MCU: variants seen among roughly 807,000 people sequenced by gnomAD.
The protein encoded by MCU is calcium uniporter protein, mitochondrial.
A neutral mutation model predicts 45.2 loss-of-function variants in MCU; 12 were observed. The observed-to-expected ratio is 0.27, with a 90% CI of 0.17 to 0.43. The LOEUF is 0.43. Ranked by LOEUF, MCU falls within the 20% of genes least tolerant of loss-of-function variation. MCU has a pLI of 1.00. For synonymous variants in MCU, 160 were observed against 165.1 expected, an observed-to-expected ratio of 0.97 and a Z score of 0.24; for missense variants, 324 against 436.7, an observed-to-expected ratio of 0.74 and a Z score of 2.30.
chr10:72,706,606 C>T (rs1417652067), intron 1 of MCU, among the ~76,000 whole-genome samples: 3 of 150,972 alleles, frequency 2.0e-5, no homozygotes, highest in Non-Finnish European at 2.9e-5. Context: ...GGCGTGATCT[C>T]GGCTTACTGC....
chr10:72,836,978 G>GA (rs2132838265), intron 2 of MCU, among the ~76,000 whole-genome samples: 1 of 152,178 alleles, frequency 6.6e-6, no homozygotes, highest in Admixed American at 6.5e-5. Flanking sequence ...ATGAGGGCTT[G>GA]ACCCTCAGTT....
At chr10:72,820,677 A>G (rs1054875437) in intron 1 of MCU, among the ~76,000 whole-genome samples, 1 of 151,918 alleles carries the variant, frequency 6.6e-6, no homozygotes, top group Non-Finnish European at 1.5e-5. Context: ...TGCCCAGCTA[A>G]TTTTTTGTAT....
At position 72,787,726 on chromosome 10, in the gene MCU, G is replaced by T. The variant is rs913052053; in HGVS notation, c.151-46633G>T. ...TTGGTTATTTTCTTTTTTGTTTTTT[G>T]TTTTTTTTTTGAGACAGACTCTCGC... On this transcript the variant is annotated intron_variant, in intron 1 of 7. Transcript: ENST00000373053. Among the ~76,000 whole-genome samples the T allele has an allele frequency of 5.5e-5, 8 of 145,860 alleles. No homozygotes were observed. In the East Asian group the frequency reaches 6.0e-4, roughly 11 times the overall value.
chr10:72,695,174 A>G (rs1023024099), intron 1 of MCU, among the ~76,000 whole-genome samples: 1 of 152,218 alleles, frequency 6.6e-6, no homozygotes, highest in Admixed American at 6.5e-5. Context: ...GTCTCTGATT[A>G]TGACAGCCCC....
chr10:72,855,266 G>T (rs1021197196), intron 2 of MCU, among the ~76,000 whole-genome samples: 7 of 151,706 alleles, frequency 4.6e-5, no homozygotes, highest in African/African-American at 1.5e-4. Context: ...ATAAAATAAG[G>T]TATATTTAAT....
chr10:72,715,137 T>C (rs1842942387), intron 1 of MCU: 7 of 983,454 alleles, frequency 7.1e-6, no homozygotes, highest in African/African-American at 1.7e-5. Context: ...CCTACAGTGA[T>C]TGGCAAGATA....
At chr10:72,867,533 C>T (rs1845475534) in intron 4 of MCU, among the ~76,000 whole-genome samples, 2 of 151,864 alleles carry the variant, frequency 1.3e-5, no homozygotes, top group Admixed American at 1.3e-4. Flanking sequence ...AGTTGGTATA[C>T]TAGGGAGAAG....
chr10:72,820,803 C>T (rs896369454), intron 1 of MCU, among the ~76,000 whole-genome samples: 7 of 152,184 alleles, frequency 4.6e-5, no homozygotes, highest in African/African-American at 1.4e-4. Flanking sequence ...TGAGCCACCA[C>T]GCCCGGCCTG....
At chr10:72,834,540 G>A (rs1469666228) in intron 2 of MCU, 112 bp downstream of exon 2, 3 of 813,612 alleles carry the variant, frequency 3.7e-6, no homozygotes, top group Non-Finnish European at 5.8e-6. Context: ...GTTAAGGTGG[G>A]CTTAGGGGTC....
chr10:72,803,771 T>C (rs549048737), intron 1 of MCU, among the ~76,000 whole-genome samples: 5 of 151,846 alleles, frequency 3.3e-5, no homozygotes, highest in African/African-American at 1.2e-4. Flanking sequence ...TGGAAATTAT[T>C]TATTGTTTTT....
chr10:72,783,327 T>C (rs1016611008), intron 1 of MCU, among the ~76,000 whole-genome samples: 6 of 152,246 alleles, frequency 3.9e-5, no homozygotes, highest in Non-Finnish European at 5.9e-5. Flanking sequence ...TCCAAAACAG[T>C]GTGATGCTAT....
At chr10:72,816,775 A>G (rs973154768) in intron 1 of MCU, among the ~76,000 whole-genome samples, 2 of 152,104 alleles carry the variant, frequency 1.3e-5, no homozygotes, top group African/African-American at 2.4e-5. Context: ...ACAAACAAAA[A>G]CTAGTACATA....
At chr10:72,828,617 G>A (rs764923374) in intron 1 of MCU, among the ~76,000 whole-genome samples, 7 of 152,084 alleles carry the variant, frequency 4.6e-5, no homozygotes, top group Non-Finnish European at 8.8e-5. Context: ...ATACTGTTGA[G>A]TTTGCTCTTT....
At chr10:72,877,845 A>G (rs1845639570) in intron 6 of MCU, among the ~76,000 whole-genome samples, 1 of 152,196 alleles carries the variant, frequency 6.6e-6, no homozygotes, top group Non-Finnish European at 1.5e-5. Flanking sequence ...TCACTAAAGT[A>G]GGCGAAACAG....
intron 1 of MCU, among the ~76,000 whole-genome samples, chr10:72,813,573 C>T (rs1564564776): frequency 6.7e-6 from 1 of 150,374 alleles, no homozygotes; most frequent in East Asian, 2.0e-4. Flanking sequence ...ATTCTCCTGC[C>T]TCAGCCTCCT....
At chr10:72,880,164 C>T (rs1487280446) in intron 6 of MCU, among the ~76,000 whole-genome samples, 15 of 152,088 alleles carry the variant, frequency 9.9e-5, no homozygotes, top group Admixed American at 7.2e-4. Flanking sequence ...GTAGAAGTAC[C>T]GCTCCTATTC....
intron 1 of MCU, among the ~76,000 whole-genome samples, chr10:72,703,905 C>G (rs1368683270): frequency 6.6e-6 from 1 of 151,938 alleles, no homozygotes; most frequent in Non-Finnish European, 1.5e-5. Flanking sequence ...ACAACAACAA[C>G]AACAACAACA....
At chr10:72,807,086 C>T (rs1003000802) in intron 1 of MCU, among the ~76,000 whole-genome samples, 13 of 152,114 alleles carry the variant, frequency 8.5e-5, no homozygotes, top group African/African-American at 2.7e-4. Context: ...CCTTAAGTCA[C>T]TGAGAAACAA....
chr10:72,813,540 C>T (rs147770020), intron 1 of MCU, among the ~76,000 whole-genome samples: 4 of 131,918 alleles, frequency 3.0e-5, no homozygotes, highest in African/African-American at 1.1e-4. Flanking sequence ...CTCACTGCAA[C>T]TTCCGCCTCC....
Sources: gnomAD v4.1 joint callset for allele counts (sites outside exome capture counted in the v4.1 genomes callset) on GRCh38, gnomAD v4.1.1 for gene constraint, MANE v1.5 for transcripts, NCBI Gene and HGNC (gene_info 2026-07-23, HGNC 2026-07-21) for gene names.